Variants in LSAMP observed in about 807,000 individuals in gnomAD.
The protein encoded by LSAMP is limbic system-associated membrane protein.
A neutral mutation model predicts 38.6 loss-of-function variants in LSAMP; 7 were observed. The observed-to-expected ratio is 0.18, with a 90% CI of 0.10 to 0.34. The LOEUF (loss-of-function observed/expected upper bound fraction) is 0.34, where lower values mean the gene tolerates loss of function less well. Ranked by LOEUF, LSAMP falls within the 10% of genes least tolerant of loss-of-function variation. LSAMP has a pLI of 1.00. For synonymous variants in LSAMP, 154 were observed against 166.8 expected (o/e 0.92, Z 0.59); for missense variants, 313 against 420.0 (o/e 0.75, Z 2.23).
At chr3:115,945,526 C>T (rs1188802009) in intron 3 of LSAMP, among the ~76,000 whole-genome samples, 1 of 152,116 alleles carries the variant, frequency 6.6e-6, no homozygotes, top group Non-Finnish European at 1.5e-5. Context: ...AACTTTGAAG[C>T]TTCAGGGCCA....
chr3:116,050,386 TA>T (rs1037872110), intron 2 of LSAMP, among the ~76,000 whole-genome samples: 10 of 151,558 alleles, frequency 6.6e-5, no homozygotes, highest in Admixed American at 1.3e-4. Flanking sequence ...GTCCAAATAT[TA>T]AAAAAAAATT....
At chr3:116,162,434 T>C (rs1353069877) in intron 1 of LSAMP, among the ~76,000 whole-genome samples, 2 of 152,152 alleles carry the variant, frequency 1.3e-5, no homozygotes, top group African/African-American at 4.8e-5. Flanking sequence ...TGTTAGGATA[T>C]AGTGAGGACT....
intron 1 of LSAMP, among the ~76,000 whole-genome samples, chr3:116,188,581 C>T (rs1204959820): frequency 2.0e-5 from 3 of 152,118 alleles, no homozygotes; most frequent in Non-Finnish European, 4.4e-5. Context: ...TTTATTTGCT[C>T]TCAAGTTCTT....
At chr3:115,932,390 G>T (rs1245403287) in intron 3 of LSAMP, among the ~76,000 whole-genome samples, 1 of 152,178 alleles carries the variant, frequency 6.6e-6, no homozygotes, top group Non-Finnish European at 1.5e-5. Context: ...TTTTAGTTAG[G>T]CATGAATGGA....
At chr3:116,312,718 T>C (rs998947613) in intron 1 of LSAMP, among the ~76,000 whole-genome samples, 2 of 152,110 alleles carry the variant, frequency 1.3e-5, no homozygotes, top group African/African-American at 2.4e-5. Context: ...CTCAGGAAAC[T>C]AAGGTCAACT....
intron 1 of LSAMP, among the ~76,000 whole-genome samples, chr3:116,333,187 G>A (rs1451249681): frequency 6.6e-6 from 1 of 152,002 alleles, no homozygotes; most frequent in African/African-American, 2.4e-5. Flanking sequence ...TTCTTCTCAA[G>A]TACCCTGGGA....
chr3:115,883,840 T>G (rs1936383296), intron 3 of LSAMP, among the ~76,000 whole-genome samples: 1 of 151,980 alleles, frequency 6.6e-6, no homozygotes, highest in Admixed American at 6.6e-5. Flanking sequence ...AAAGAAATAT[T>G]TTTATCTTAT....
chr3:116,130,987 C>CTTT (rs148232332), intron 1 of LSAMP, among the ~76,000 whole-genome samples: 7 of 112,636 alleles, frequency 6.2e-5, no homozygotes, highest in South Asian at 3.0e-4. Flanking sequence ...AGGTTCCACA[C>CTTT]TTTTTTTTTT....
chr3:116,443,001 A>C (rs1006036904), intron 1 of LSAMP, among the ~76,000 whole-genome samples: 1 of 152,358 alleles, frequency 6.6e-6, no homozygotes, highest in East Asian at 1.9e-4. Context: ...TTTAAGGTAT[A>C]GGAGATGCTA....
intron 2 of LSAMP, among the ~76,000 whole-genome samples, chr3:116,073,285 A>G (rs924688101): frequency 6.6e-6 from 1 of 152,124 alleles, no homozygotes; most frequent in Non-Finnish European, 1.5e-5. Flanking sequence ...TTGTACCATT[A>G]CCGTGCTGTT....
intron 1 of LSAMP, among the ~76,000 whole-genome samples, chr3:116,214,499 C>CTTTTTTTTTT: frequency 9.7e-6 from 1 of 103,284 alleles, no homozygotes; most frequent in Non-Finnish European, 1.9e-5. Context: ...AAAAATGGGT[C>CTTTTTTTTTT]TTTTTTTTTT....
At chr3:116,117,366 G>C (rs1319235755) in intron 1 of LSAMP, among the ~76,000 whole-genome samples, 1 of 151,932 alleles carries the variant, frequency 6.6e-6, no homozygotes, top group Non-Finnish European at 1.5e-5. Flanking sequence ...AACAGTTTTA[G>C]ATTTACTGAA....
chr3:116,281,432 A>T (rs1238371671), intron 1 of LSAMP, among the ~76,000 whole-genome samples: 1 of 152,202 alleles, frequency 6.6e-6, no homozygotes, highest in Non-Finnish European at 1.5e-5. Context: ...AATGACAGCT[A>T]TCATAACTGA....
intron 1 of LSAMP, among the ~76,000 whole-genome samples, chr3:116,144,557 C>G (rs965521230): frequency 1.4e-5 from 1 of 71,154 alleles, no homozygotes; most frequent in East Asian, 4.3e-4. Context: ...TATATCATCA[C>G]CTTACTTTTT....
rs559268660 is a variant in LSAMP, at chr3:115,936,953, T to C, written c.514+82562A>G. 2.6e-5 allele frequency among the ~76,000 whole-genome samples: 4 copies of C among 152,296 alleles called. No individual in the cohort carries two copies. The South Asian group carries it at 8.3e-4, about 32-fold the overall frequency. On this transcript the variant is annotated intron_variant, in intron 3 of 6. Coordinates refer to ENST00000490035, the MANE Select transcript of LSAMP (RefSeq NM_002338.5). ...TTCATTTAGTTAAGTGCATAAGCTA[T>C]ATTAAATATTTTAATTACTTTAAAA...
intron 1 of LSAMP, among the ~76,000 whole-genome samples, chr3:116,232,503 C>T (rs1347615653): frequency 1.3e-5 from 2 of 152,084 alleles, no homozygotes; most frequent in Admixed American, 6.6e-5. Context: ...CATTCAGTAT[C>T]GAGATAGAAA....
rs543224458 is a variant in LSAMP, at chr3:115,995,863, C to T, written c.514+23652G>A. ...GGAAACTTGTATATATTAATATTTT[C>T]CTGAGTATAACAAGTGATTAGTCTA... On this transcript the variant is annotated intron_variant, in intron 3 of 6. Coordinates refer to ENST00000490035, the MANE Select transcript of LSAMP (RefSeq NM_002338.5). Among the ~76,000 whole-genome samples, 92 of 151,956 alleles carry T rather than the reference C, an allele frequency of 6.1e-4. 1 individual carries two copies. In the East Asian group the frequency reaches 0.015, roughly 25 times the overall value.
chr3:116,143,101 A>T (rs1361861140), intron 1 of LSAMP, among the ~76,000 whole-genome samples: 1 of 151,104 alleles, frequency 6.6e-6, no homozygotes, highest in Non-Finnish European at 1.5e-5. Context: ...ACATTTAAGC[A>T]TGGATATTGG....
chr3:116,445,064 G>A lies in LSAMP; in HGVS notation c.-33C>T. ...ACGCCGAGGTGCGGGTCCGCGGGGTGCTCTGGAGGGGTGCGCGCTGCTCGC... is the reference window on the plus strand; with the variant it reads ...ACGCCGAGGTGCGGGTCCGCGGGGTACTCTGGAGGGGTGCGCGCTGCTCGC... On this transcript the variant is annotated 5_prime_UTR_variant, in exon 1 of 7. Coordinates refer to ENST00000490035, the MANE Select transcript of LSAMP (RefSeq NM_002338.5). The A allele has an allele frequency of 2.5e-6, 4 of 1,592,906 alleles. No individual in the cohort carries two copies. The highest frequency in any genetic ancestry group is 2.6e-6 in the Non-Finnish European group (3 of 1,167,968).
Sources: allele counts gnomAD v4.1 joint callset (sites outside exome capture counted in the v4.1 genomes callset), GRCh38; gene constraint gnomAD v4.1.1; transcripts MANE v1.5; gene names NCBI Gene and HGNC (gene_info 2026-07-23, HGNC 2026-07-21).